Variants in ZBTB16 observed in about 807,000 individuals in gnomAD.
ZBTB16 encodes zinc finger and BTB domain-containing protein 16.
ZBTB16 carries 8 observed loss-of-function variants against 56.8 expected under a neutral mutation model. That is an observed-to-expected ratio of 0.14 (90% CI 0.08 to 0.25). ZBTB16 has a LOEUF of 0.25. Ranked by LOEUF, ZBTB16 falls within the 10% of genes least tolerant of loss-of-function variation. The pLI is 1.00. For synonymous variants in ZBTB16, 363 were observed against 368.5 expected, an observed-to-expected ratio of 0.98 and a Z score of 0.17; for missense variants, 625 against 903.0, an observed-to-expected ratio of 0.69 and a Z score of 3.95.
In ZBTB16 at chr11:114,126,373, C is replaced by T. The variant is rs564517142; in HGVS notation, c.1269-29964C>T. Among the ~76,000 whole-genome samples, 44 of 152,286 alleles carry T rather than the reference C, an allele frequency of 2.9e-4. No homozygotes were observed. The South Asian group carries it at 4.1e-3, about 14-fold the overall frequency. ...CAGTTTTCCTGGCAGCTGTCCATTC[C>T]GGCCTCATTCCCACCTCTGGGACAT... On this transcript the variant is annotated intron_variant, in intron 2 of 6. Transcript: ENST00000335953.
Position 114,194,121 on chromosome 11 carries a change from C to T in ZBTB16, c.1453+7083C>T, listed in dbSNP as rs943881687. Among the ~76,000 whole-genome samples, 7 of 152,086 alleles carry T rather than the reference C, an allele frequency of 4.6e-5. No homozygotes were observed. In the East Asian group the frequency reaches 9.6e-4, roughly 21 times the overall value. On this transcript the variant is annotated intron_variant, in intron 4 of 6. Transcript: ENST00000335953. ...CCTGTGCTCCATTGCACTAAGAAGC[C>T]GCAACACCCTGATGTGTACATCCTC...
intron 2 of ZBTB16, among the ~76,000 whole-genome samples, chr11:114,092,400 C>G (rs986388908): frequency 1.3e-5 from 2 of 152,080 alleles, no homozygotes; most frequent in African/African-American, 2.4e-5. Context: ...GGGGTTGGGG[C>G]GGGGGCACAC....
At chr11:114,086,094 G>T (rs545697265) in intron 2 of ZBTB16, among the ~76,000 whole-genome samples, 1 of 152,226 alleles carries the variant, frequency 6.6e-6, no homozygotes, top group Admixed American at 6.5e-5. Context: ...CTCCTGCCCT[G>T]CTCTGTGGAG....
intron 3 of ZBTB16, among the ~76,000 whole-genome samples, chr11:114,163,454 T>C (rs1429096797): frequency 6.6e-6 from 1 of 152,118 alleles, no homozygotes; most frequent in Non-Finnish European, 1.5e-5. Flanking sequence ...GGATTTTGTT[T>C]ACAGCAAGTA....
chr11:114,157,611 G>A (rs940541428), intron 3 of ZBTB16, among the ~76,000 whole-genome samples: 3 of 152,126 alleles, frequency 2.0e-5, no homozygotes, highest in Non-Finnish European at 2.9e-5. Context: ...GCCCATCATG[G>A]GTACAGTCGT....
chr11:114,167,372 G>C (rs190478827), intron 3 of ZBTB16, among the ~76,000 whole-genome samples: 2 of 124,218 alleles, frequency 1.6e-5, no homozygotes, highest in East Asian at 4.6e-4. Context: ...ATAGAAACCA[G>C]GGCGAGTTTT....
At chr11:114,114,759 A>G (rs1941120587) in intron 2 of ZBTB16, among the ~76,000 whole-genome samples, 2 of 151,084 alleles carry the variant, frequency 1.3e-5, no homozygotes, top group Non-Finnish European at 2.9e-5. Flanking sequence ...GGCTCACTGC[A>G]ACCTCTGCCT....
intron 2 of ZBTB16, among the ~76,000 whole-genome samples, chr11:114,083,025 G>A (rs1170985841): frequency 2.0e-5 from 3 of 152,204 alleles, no homozygotes; most frequent in African/African-American, 2.4e-5. Flanking sequence ...CTGTTTGCCC[G>A]AGTGGCTCCT....
chr11:114,209,561 T>C, intron 4 of ZBTB16: 1 of 985,380 alleles, frequency 1.0e-6, no homozygotes, highest in Non-Finnish European at 1.2e-6. Flanking sequence ...AAGCAGCAGG[T>C]TGTTGACACT....
chr11:114,124,204 A>G (rs570262827), intron 2 of ZBTB16, among the ~76,000 whole-genome samples: 1 of 152,242 alleles, frequency 6.6e-6, no homozygotes, highest in African/African-American at 2.4e-5. Flanking sequence ...TTGCGGGGTC[A>G]GGGTAACTTA....
intron 4 of ZBTB16, among the ~76,000 whole-genome samples, chr11:114,221,124 C>A (rs1378654897): frequency 6.6e-6 from 1 of 152,228 alleles, no homozygotes; most frequent in African/African-American, 2.4e-5. Context: ...GTGCTAGTTC[C>A]TTTTCCCTTC....
At chr11:114,179,119 T>C (rs2135035179) in intron 3 of ZBTB16, among the ~76,000 whole-genome samples, 1 of 152,330 alleles carries the variant, frequency 6.6e-6, no homozygotes, top group African/African-American at 2.4e-5. Flanking sequence ...TTGAACCATA[T>C]CCTGGACCTA....
chr11:114,197,513 C>T (rs1214950901), intron 4 of ZBTB16, among the ~76,000 whole-genome samples: 1 of 152,170 alleles, frequency 6.6e-6, no homozygotes, highest in African/African-American at 2.4e-5. Flanking sequence ...AGAACTGTCT[C>T]TCCAACCTTG....
At chr11:114,077,621 A>G (rs890147774) in intron 2 of ZBTB16, among the ~76,000 whole-genome samples, 1 of 152,198 alleles carries the variant, frequency 6.6e-6, no homozygotes, top group Non-Finnish European at 1.5e-5. Flanking sequence ...TGTTGCGCAG[A>G]GGAGAAGGTT....
chr11:114,143,203 C>T lies in ZBTB16; in HGVS notation c.1269-13134C>T, dbSNP rs767446279. Among the ~76,000 whole-genome samples the T allele has an allele frequency of 2.0e-5, 3 of 152,118 alleles. No individual in the cohort carries two copies. Among genetic ancestry groups the T allele is most frequent in the Non-Finnish European group, 4.4e-5 (3 of 68,032 alleles). ...AATATGTTCTACTCCATCCAAATCC[C>T]GATTGATTTATTACCCACTGTACAG... On this transcript the variant is annotated intron_variant, in intron 2 of 6. Transcript: ENST00000335953. This position sits in a 1 kb window ranked among gnomAD's most constrained non-coding sequence, Gnocchi z 6.4.
chr11:114,122,908 A>G (rs150635866), intron 2 of ZBTB16, among the ~76,000 whole-genome samples: 1 of 152,298 alleles, frequency 6.6e-6, no homozygotes, highest in East Asian at 1.9e-4. Context: ...ATAACAAGAT[A>G]CTACAGACTG....
At chr11:114,170,777 G>A (rs1394342850) in intron 3 of ZBTB16, among the ~76,000 whole-genome samples, 2 of 152,212 alleles carry the variant, frequency 1.3e-5, no homozygotes, top group East Asian at 1.9e-4. Context: ...TTTTGTTGGA[G>A]TAATTATGAA....
rs977512718 is a variant in ZBTB16, at chr11:114,143,095, T to C, written c.1269-13242T>C. ...AGCGTGGGCTTGCTCCCACCTACTC[T>C]CCCAGGTTCCGAGGCTCCTGTGCAC... is the stretch of plus-strand genomic sequence containing the variant. On this transcript the variant is annotated intron_variant, in intron 2 of 6. Coordinates refer to ENST00000335953, the MANE Select transcript of ZBTB16 (RefSeq NM_006006.6). The surrounding 1 kb of genome is among the most constrained non-coding windows in gnomAD (Gnocchi z 6.4). Among the ~76,000 whole-genome samples, 2 of 152,100 alleles carry C rather than the reference T, an allele frequency of 1.3e-5. No homozygotes were observed. The highest frequency in any genetic ancestry group is 2.9e-5 in the Non-Finnish European group (2 of 68,006).
chr11:114,164,049 A>T (rs1942673565), intron 3 of ZBTB16, among the ~76,000 whole-genome samples: 1 of 152,184 alleles, frequency 6.6e-6, no homozygotes, highest in African/African-American at 2.4e-5. Flanking sequence ...TGTATGCAAG[A>T]CAAAGTGTTT....
Sources: gnomAD v4.1 joint callset for allele counts (sites outside exome capture counted in the v4.1 genomes callset) on GRCh38, gnomAD v4.1.1 for gene constraint, Gnocchi (gnomAD v3.1) non-coding constraint, MANE v1.5 for transcripts, NCBI Gene and HGNC (gene_info 2026-07-23, HGNC 2026-07-21) for gene names.